Variants in TCEANC2 observed in about 807,000 individuals in gnomAD.
TCEANC2 encodes the protein transcription elongation factor A N-terminal and central domain containing 2.
A neutral mutation model predicts 22.8 loss-of-function variants in TCEANC2; 20 were observed. The observed-to-expected ratio is 0.88, with a 90% confidence interval of 0.62 to 1.28. The LOEUF (loss-of-function observed/expected upper bound fraction) is 1.28. TCEANC2 is among the 50% of genes most tolerant of loss of function. The pLI is 0.00. For missense variants in TCEANC2, 251 were observed against 249.7 expected (o/e 1.01, Z -0.03); for synonymous variants, 84 against 95.5 (o/e 0.88, Z 0.70).
intron 4 of TCEANC2, chr1:54,089,836 G>A: frequency 2.0e-6 from 1 of 490,974 alleles, no homozygotes; most frequent in Non-Finnish European, 3.7e-6. Flanking sequence ...CATTGCCACA[G>A]TTCTGTCTTC....
At chr1:54,057,629 G>T (rs998671109) in intron 2 of TCEANC2, among the ~76,000 whole-genome samples, 1 of 151,880 alleles carries the variant, frequency 6.6e-6, no homozygotes, top group East Asian at 1.9e-4. Context: ...TTGACATCCC[G>T]CATTCACCTC....
chr1:54,092,477 A>G (rs746243134), intron 4 of TCEANC2, among the ~76,000 whole-genome samples: 32 of 152,238 alleles, frequency 2.1e-4, no homozygotes, highest in South Asian at 4.1e-4. Flanking sequence ...AACATATTTT[A>G]TCTGCTATAT....
chr1:54,083,831 T>C (rs1277386846), intron 3 of TCEANC2, among the ~76,000 whole-genome samples: 1 of 152,120 alleles, frequency 6.6e-6, no homozygotes, highest in African/African-American at 2.4e-5. Flanking sequence ...TTATTGTAAA[T>C]TCTTTAAGGC....
chr1:54,087,282 C>A (rs1320777745), intron 3 of TCEANC2, among the ~76,000 whole-genome samples: 1 of 151,284 alleles, frequency 6.6e-6, no homozygotes, highest in Non-Finnish European at 1.5e-5. Flanking sequence ...TATTTTTGAC[C>A]CTTCACCTTT....
exon 5 of TCEANC2, chr1:54,111,229 T>A (rs1248848292): frequency 6.6e-6 from 1 of 152,212 alleles, no homozygotes; most frequent in East Asian, 1.9e-4. Context: ...CAGTCTGGGC[T>A]CCATGGGAAG....
At position 54,105,882 on chromosome 1, in the gene TCEANC2, G is replaced by A. The variant is rs1372678893; in HGVS notation, c.*9409G>A. 6.6e-6 allele frequency: 1 copy of A among 152,100 alleles called. No homozygotes were observed. The highest frequency in any genetic ancestry group is 6.5e-5 in the Admixed American group (1 of 15,272). 9.4% of individuals were successfully genotyped at this position (152,100 alleles called of 1,614,324 possible). A position where few individuals can be genotyped will look rare whatever the true frequency, so the allele number is the denominator to read the frequency against. On this transcript the variant is annotated 3_prime_UTR_variant, in exon 5 of 5. Transcript: ENST00000234827. The stretch of plus-strand genomic sequence containing the variant: ...GATCCGCGCTCCTCGGCCTCCCAAA[G>A]TGCTGGGATTATAGACATGAATCAC...
intron 2 of TCEANC2, among the ~76,000 whole-genome samples, chr1:54,057,037 A>G (rs1163987186): frequency 6.6e-6 from 1 of 151,004 alleles, no homozygotes; most frequent in Non-Finnish European, 1.5e-5. Flanking sequence ...GTGAGACACC[A>G]TTTAAAAAAA....
chr1:54,109,790 A>G (rs934438007), downstream of TCEANC2, among the ~76,000 whole-genome samples: 3 of 152,174 alleles, frequency 2.0e-5, no homozygotes, highest in African/African-American at 4.8e-5. Flanking sequence ...GTAAATCTCT[A>G]TATGTGCAAG....
intron 2 of TCEANC2, among the ~76,000 whole-genome samples, chr1:54,056,383 A>ACTGCAACCTCTGCCTCC (rs1423995091): frequency 6.6e-6 from 1 of 151,194 alleles, no homozygotes; most frequent in East Asian, 1.9e-4. Flanking sequence ...ATCTTGGCTC[A>ACTGCAACCTCTGCCTCC]CTGCAACCTC....
At position 54,096,983 on chromosome 1, in the gene TCEANC2, C is replaced by T. The variant is rs1344673182; in HGVS notation, c.*510C>T. ...TGAGCCTGCGAGAGCCAGCCAACTA[C>T]CCCTTCTTCCCAGAGCTCACTTATC... On this transcript the variant is annotated 3_prime_UTR_variant, in exon 5 of 5. Coordinates refer to ENST00000234827, the MANE Select transcript of TCEANC2 (RefSeq NM_153035.3). The surrounding 1 kb of genome is among the most constrained non-coding windows in gnomAD (Gnocchi z 4.9). 1.0e-6 allele frequency: 1 copy of T among 986,124 alleles called. No homozygotes were observed. 61.1% of individuals were successfully genotyped at this position (986,124 alleles called of 1,614,324 possible).
chr1:54,073,012 C>A (rs1225467760), intron 3 of TCEANC2, among the ~76,000 whole-genome samples: 1 of 152,122 alleles, frequency 6.6e-6, no homozygotes, highest in African/African-American at 2.4e-5. Context: ...GACTCCCAAG[C>A]CGGAGTGCAG....
At chr1:54,106,354 T>C (rs1658753808), downstream of TCEANC2, among the ~76,000 whole-genome samples, 1 of 152,218 alleles carries the variant, frequency 6.6e-6, no homozygotes, top group African/African-American at 2.4e-5. Context: ...ACAAACCACA[T>C]ATGTATTTTT....
Position 54,088,593 on chromosome 1 carries a change from C to A in TCEANC2, c.245-4C>A. 6.3e-7 allele frequency: 1 copy of A among 1,593,904 alleles called. No homozygotes were observed. The highest frequency in any genetic ancestry group is 1.1e-5 in the South Asian group (1 of 87,138). ...TTCCTTTGGTTTTTCTCTTCCTGTT[C>A]CAGGTCACACTGTGAACAAGATGCG... On this transcript the variant is annotated splice_region_variant and splice_polypyrimidine_tract_variant and intron_variant, in intron 3 of 4. Coordinates refer to ENST00000234827, the MANE Select transcript of TCEANC2 (RefSeq NM_153035.3).
At chr1:54,063,185 G>A (rs922348673) in intron 2 of TCEANC2, among the ~76,000 whole-genome samples, 2 of 152,198 alleles carry the variant, frequency 1.3e-5, no homozygotes, top group African/African-American at 4.8e-5. Context: ...GATGTGGGGA[G>A]CTAGAATTGA....
chr1:54,096,672 G>A lies in TCEANC2; in HGVS notation c.*199G>A, dbSNP rs1379652921. ...GAATGTGCTTCATTAGCTGCAGTGC[G>A]CTGGTGCTGCCTAACAGAACGCACA... is the stretch of plus-strand genomic sequence containing the variant. On this transcript the variant is annotated 3_prime_UTR_variant, in exon 5 of 5. Transcript: ENST00000234827. This position sits in a 1 kb window ranked among gnomAD's most constrained non-coding sequence, Gnocchi z 4.9. 1.6e-5 allele frequency: 20 copies of A among 1,261,408 alleles called. No homozygotes were observed. In the South Asian group the frequency reaches 3.3e-4, roughly 21 times the overall value. The allele number at this position is 1,261,408 out of a possible 1,614,324, so 78.1% of individuals were successfully genotyped here. A position where few individuals can be genotyped will look rare whatever the true frequency, so the allele number is the denominator to read the frequency against.
At chr1:54,056,739 T>C (rs1657760146) in intron 2 of TCEANC2, among the ~76,000 whole-genome samples, 2 of 152,014 alleles carry the variant, frequency 1.3e-5, no homozygotes, top group Admixed American at 1.3e-4. Flanking sequence ...GTGAAAATTA[T>C]GGAATAAGAA....
At chr1:54,095,305 G>T (rs562735944) in intron 4 of TCEANC2, among the ~76,000 whole-genome samples, 9 of 152,138 alleles carry the variant, frequency 5.9e-5, no homozygotes, top group Non-Finnish European at 1.3e-4. Context: ...AGTGTTTTCC[G>T]TAGGGAAAGG....
Position 54,098,586 on chromosome 1 carries a change from CA to C in TCEANC2, c.*2114del, listed in dbSNP as rs1658600575. On this transcript the variant is annotated 3_prime_UTR_variant, in exon 5 of 5. Transcript: ENST00000234827. ...TCTTTATTGTCTATCTCCCCACTCC[CA>C]GAATGTAAGCTTCATGAAAGCAGAG... 1 of 152,198 alleles carries C rather than the reference CA, an allele frequency of 6.6e-6. No individual in the cohort carries two copies. Among genetic ancestry groups the C allele is most frequent in the Non-Finnish European group, 1.5e-5 (1 of 68,064 alleles). The allele number at this position is 152,198 out of a possible 1,614,324, so 9.4% of individuals were successfully genotyped here. A position where few individuals can be genotyped will look rare whatever the true frequency, so the allele number is the denominator to read the frequency against.
chr1:54,071,606 C>A (rs974538863), intron 3 of TCEANC2, among the ~76,000 whole-genome samples: 28 of 152,154 alleles, frequency 1.8e-4, no homozygotes, highest in Non-Finnish European at 3.4e-4. Context: ...TCAGTTTTGT[C>A]ATATGCTATT....
Sources: gnomAD v4.1 joint callset for allele counts (sites outside exome capture counted in the v4.1 genomes callset) on GRCh38, gnomAD v4.1.1 for gene constraint, Gnocchi (gnomAD v3.1) non-coding constraint, MANE v1.5 for transcripts, NCBI Gene and HGNC (gene_info 2026-07-23, HGNC 2026-07-21) for gene names.